Variants in NUDT7 observed in about 807,000 individuals in gnomAD.
The protein encoded by NUDT7 is peroxisomal coenzyme A diphosphatase NUDT7.
Under a neutral mutation model 13.1 loss-of-function variants are expected in NUDT7, and 19 were observed. That is an observed-to-expected ratio of 1.45 (90% confidence interval 1.01 to 2.13). The LOEUF (loss-of-function observed/expected upper bound fraction) is 2.13. NUDT7 is among the 30% of genes most tolerant of loss of function. NUDT7 has a pLI of 0.00. For missense variants in NUDT7, 360 were observed against 291.7 expected (o/e 1.23, Z -1.71); for synonymous variants, 132 against 109.7 (o/e 1.20, Z -1.27).
intron 2 of NUDT7, among the ~76,000 whole-genome samples, chr16:77,726,438 A>G (rs1027377353): frequency 6.6e-5 from 10 of 152,238 alleles, no homozygotes; most frequent in Non-Finnish European, 1.5e-5. Flanking sequence ...CTTTACAGAA[A>G]TAATGGGCTG....
intron 2 of NUDT7, among the ~76,000 whole-genome samples, chr16:77,727,725 G>A (rs568394222): frequency 3.9e-5 from 6 of 152,182 alleles, no homozygotes; most frequent in Admixed American, 2.6e-4. Flanking sequence ...GCGTGGTGGT[G>A]GGTGCCTGTA....
At chr16:77,739,776 A>G (rs2014601701) in intron 3 of NUDT7, among the ~76,000 whole-genome samples, 1 of 152,112 alleles carries the variant, frequency 6.6e-6, no homozygotes, top group African/African-American at 2.4e-5. Flanking sequence ...CCACCTTGCC[A>G]TGTGTCCTGC....
intron 1 of NUDT7, among the ~76,000 whole-genome samples, chr16:77,723,357 G>A (rs978424376): frequency 3.6e-4 from 54 of 152,110 alleles, no homozygotes; most frequent in African/African-American, 1.3e-3. Context: ...ATACACTGCC[G>A]TTACCCAACC....
chr16:77,725,729 C>T, intron 2 of NUDT7, 145 bp downstream of exon 2: 1 of 640,740 alleles, frequency 1.6e-6, no homozygotes, highest in Middle Eastern at 2.5e-4. Context: ...CCACAAGCCA[C>T]AGGATAACAT....
chr16:77,737,856 T>C (rs2014540731), intron 3 of NUDT7, among the ~76,000 whole-genome samples: 1 of 152,098 alleles, frequency 6.6e-6, no homozygotes, highest in Non-Finnish European at 1.5e-5. Context: ...TGCCTAACAC[T>C]TAGAAAACCA....
chr16:77,727,339 G>A (rs1017000300), intron 2 of NUDT7, among the ~76,000 whole-genome samples: 2 of 151,874 alleles, frequency 1.3e-5, no homozygotes, highest in Non-Finnish European at 2.9e-5. Flanking sequence ...AAAGTATTTT[G>A]TTTAAAAAAA....
chr16:77,731,128 G>T (rs1010643021), intron 2 of NUDT7, among the ~76,000 whole-genome samples: 1 of 151,770 alleles, frequency 6.6e-6, no homozygotes, highest in Admixed American at 6.6e-5. Context: ...TGTGCTTTTG[G>T]GGTCATATTT....
At chr16:77,723,297 A>C (rs532736306) in intron 1 of NUDT7, among the ~76,000 whole-genome samples, 2 of 152,164 alleles carry the variant, frequency 1.3e-5, no homozygotes, top group Non-Finnish European at 1.5e-5. Flanking sequence ...GCACTGTGCA[A>C]TCCCTGTGCC....
chr16:77,739,816 C>T (rs1263994094), intron 3 of NUDT7, among the ~76,000 whole-genome samples: 3 of 152,172 alleles, frequency 2.0e-5, no homozygotes, highest in Non-Finnish European at 4.4e-5. Context: ...TGTGAATTCA[C>T]CTCTGGCAAG....
At chr16:77,728,459 C>T (rs1458307384) in intron 2 of NUDT7, among the ~76,000 whole-genome samples, 1 of 152,114 alleles carries the variant, frequency 6.6e-6, no homozygotes, top group Non-Finnish European at 1.5e-5. Context: ...CTGATCTTGA[C>T]CTCCTGATCT....
intron 3 of NUDT7, chr16:77,736,203 G>C: frequency 2.0e-6 from 1 of 492,546 alleles, no homozygotes; most frequent in Non-Finnish European, 3.6e-6. Flanking sequence ...AGAAATAAAA[G>C]GGTTGAACTC....
At chr16:77,725,352 C>G (rs1004750227) in intron 1 of NUDT7, 79 bp from the exon 2 acceptor site, 10 of 1,318,414 alleles carry the variant, frequency 7.6e-6, no homozygotes, top group Admixed American at 4.3e-5. Flanking sequence ...CACAACAAAG[C>G]AGAAACAGAG....
intron 3 of NUDT7, 60 bp downstream of exon 3, chr16:77,736,046 C>T: frequency 6.7e-7 from 1 of 1,482,252 alleles, no homozygotes; most frequent in East Asian, 2.3e-5. Flanking sequence ...ATCTACTGTT[C>T]TCAGGATTCC....
chr16:77,723,592 C>CATTT, intron 1 of NUDT7, among the ~76,000 whole-genome samples: 1 of 125,674 alleles, frequency 8.0e-6, no homozygotes, highest in Admixed American at 8.3e-5. Context: ...TTTGTATACA[C>CATTT]TTTTTTTTTT....
intron 2 of NUDT7, among the ~76,000 whole-genome samples, chr16:77,727,690 A>G (rs192617686): frequency 1.4e-3 from 218 of 152,254 alleles, no homozygotes; most frequent in Non-Finnish European, 2.7e-3. Context: ...CCCTGTCTCT[A>G]CTAAAAATAC....
At chr16:77,735,754 T>G in intron 2 of NUDT7, 74 bp from the exon 3 acceptor site, 1 of 1,346,900 alleles carries the variant, frequency 7.4e-7, no homozygotes. Context: ...AGAAGTCCAG[T>G]AAGTATTTGT....
At chr16:77,735,543 C>T in intron 2 of NUDT7, 1 of 544,756 alleles carries the variant, frequency 1.8e-6, no homozygotes, top group Non-Finnish European at 3.3e-6. Flanking sequence ...TATAAACTAC[C>T]CAGTCTCAGT....
chr16:77,722,560 G>C lies in NUDT7; in HGVS notation c.-23G>C. 6.3e-7 allele frequency: 1 copy of C among 1,578,378 alleles called. No individual in the cohort carries two copies. ...CCGAGCAGCTCCGAGGAGTCCGCCCGGAAACAAACATTCCCCAGGGCAATG... is the reference window on the plus strand; with the variant it reads ...CCGAGCAGCTCCGAGGAGTCCGCCCCGAAACAAACATTCCCCAGGGCAATG... On this transcript the variant is annotated 5_prime_UTR_variant, in exon 1 of 4. Transcript: ENST00000268533.
chr16:77,738,896 T>G (rs2014572434), intron 3 of NUDT7, among the ~76,000 whole-genome samples: 1 of 152,250 alleles, frequency 6.6e-6, no homozygotes, highest in Non-Finnish European at 1.5e-5. Flanking sequence ...CTGCCAAGTA[T>G]CAGCAGAATA....
Sources: allele counts gnomAD v4.1 joint callset (sites outside exome capture counted in the v4.1 genomes callset), GRCh38; gene constraint gnomAD v4.1.1; transcripts MANE v1.5; gene names NCBI Gene and HGNC (gene_info 2026-07-23, HGNC 2026-07-21).